TSHZ1: variants seen among roughly 807,000 people sequenced by gnomAD.
The protein encoded by TSHZ1 is teashirt homolog 1.
In TSHZ1, 12 loss-of-function variants were observed where a neutral mutation model predicts 67.1. The observed-to-expected ratio is 0.18, with a 90% CI of 0.11 to 0.29. The LOEUF is 0.29. Among genes scored for constraint, TSHZ1 ranks in the 10% least tolerant of loss-of-function variants. TSHZ1 has a pLI of 1.00. For missense variants in TSHZ1, 1,305 were observed against 1,413.9 expected, an observed-to-expected ratio of 0.92 and a Z score of 1.23; for synonymous variants, 632 against 622.4, an observed-to-expected ratio of 1.02 and a Z score of -0.23.
At chr18:75,274,035 G>T (rs952726124) in intron 1 of TSHZ1, among the ~76,000 whole-genome samples, 1 of 152,142 alleles carries the variant, frequency 6.6e-6, no homozygotes, top group Non-Finnish European at 1.5e-5. Context: ...TGGGCTGCTG[G>T]TGCTTGCTGG....
At position 75,223,626 on chromosome 18, in the gene TSHZ1, TAA is replaced by T. The variant is rs113456002; in HGVS notation, c.40+11722_40+11723del. On this transcript the variant is annotated intron_variant, in intron 1 of 1. Transcript: ENST00000580243. The stretch of plus-strand genomic sequence containing the variant: ...GGGCTTTTTTGAAAGACAGATTCCT[TAA>T]AAAAAAAAAAATTGTCCCCCACTCC... Among the ~76,000 whole-genome samples, 86 of 146,602 alleles carry T rather than the reference TAA, an allele frequency of 5.9e-4. 1 individual carries two copies. The highest frequency in any genetic ancestry group is 1.8e-3 in the African/African-American group (70 of 39,874).
chr18:75,285,214 A>C (rs2023735568), intron 1 of TSHZ1: 2 of 367,546 alleles, frequency 5.4e-6, no homozygotes, highest in Non-Finnish European at 9.5e-6. Flanking sequence ...CTTTGGGACG[A>C]GCACAGGACA....
intron 1 of TSHZ1, among the ~76,000 whole-genome samples, chr18:75,270,368 T>G (rs1192795879): frequency 2.0e-5 from 3 of 152,254 alleles, no homozygotes; most frequent in Admixed American, 2.0e-4. Flanking sequence ...GAGGAAGGGT[T>G]CAACAGATAT....
intron 1 of TSHZ1, among the ~76,000 whole-genome samples, chr18:75,276,127 A>G (rs117750380): frequency 6.6e-6 from 1 of 152,342 alleles, no homozygotes; most frequent in Non-Finnish European, 1.5e-5. Flanking sequence ...TAGTTTTCTT[A>G]TTCCCCACTT....
intron 1 of TSHZ1, among the ~76,000 whole-genome samples, chr18:75,212,122 G>C (rs1349584637): frequency 6.6e-6 from 1 of 152,186 alleles, no homozygotes; most frequent in African/African-American, 2.4e-5. Flanking sequence ...GTGGAGCAGA[G>C]AAAGTTCGCG....
At position 75,211,487 on chromosome 18, in the gene TSHZ1, G is replaced by A. The variant is rs1291294935; in HGVS notation, c.-390G>A. ...GAGCGCCCGGAGCGGCGCGCCGGGA[G>A]GAGCGCCCGCCCAGCAGCAGCGCGG... On this transcript the variant is annotated 5_prime_UTR_variant, in exon 1 of 2. Transcript: ENST00000580243. 6.7e-6 allele frequency: 1 copy of A among 148,784 alleles called. No individual in the cohort carries two copies. Among genetic ancestry groups the A allele is most frequent in the South Asian group, 2.1e-4 (1 of 4,730 alleles). The allele number at this position is 148,784 out of a possible 1,614,324, so 9.2% of individuals were successfully genotyped here.
At chr18:75,246,354 G>T (rs2023221542) in intron 1 of TSHZ1, among the ~76,000 whole-genome samples, 1 of 149,908 alleles carries the variant, frequency 6.7e-6, no homozygotes, top group Non-Finnish European at 1.5e-5. Flanking sequence ...GGATGACGAT[G>T]GGGGCCTTGG....
intron 1 of TSHZ1, among the ~76,000 whole-genome samples, chr18:75,227,646 A>T (rs141055236): frequency 6.6e-6 from 1 of 152,230 alleles, no homozygotes; most frequent in Non-Finnish European, 1.5e-5. Context: ...TGTTTCTCTC[A>T]TCCCCACCCC....
intron 1 of TSHZ1, among the ~76,000 whole-genome samples, chr18:75,222,899 A>G (rs1343881163): frequency 6.6e-6 from 1 of 152,224 alleles, no homozygotes; most frequent in Non-Finnish European, 1.5e-5. Flanking sequence ...AGTCTGGCCT[A>G]TTCCCAAAGG....
chr18:75,228,752 CTCTCAACGGTTGGTCCTCACA>C (rs897912116), intron 1 of TSHZ1, among the ~76,000 whole-genome samples: 3 of 152,180 alleles, frequency 2.0e-5, no homozygotes, highest in Non-Finnish European at 2.9e-5. Context: ...AAAGTTGAAC[CTCTCAACGGTTGGTCCTCACA>C]TCTCTAGTCC....
Position 75,266,113 on chromosome 18 carries a change from C to T in TSHZ1, c.41-19335C>T, listed in dbSNP as rs545074208. ...CCCGGGTGAGTGATCGATGCTGTCC[C>T]GTTGGACAAGGTTTACTAGAAGGGT... On this transcript the variant is annotated intron_variant, in intron 1 of 1. Transcript: ENST00000580243. 7.2e-5 allele frequency among the ~76,000 whole-genome samples: 11 copies of T among 152,260 alleles called. No homozygotes were observed. In the East Asian group the frequency reaches 1.4e-3, roughly 19 times the overall value.
At position 75,286,873 on chromosome 18, in the gene TSHZ1, C is replaced by T. The variant is rs370337586; in HGVS notation, c.1466C>T (p.Ser489Phe). 14 of 1,614,194 alleles carry T rather than the reference C, an allele frequency of 8.7e-6. No individual in the cohort carries two copies. The East Asian group carries it at 3.1e-4, about 36-fold the overall frequency. Residue 489 changes from serine to phenylalanine, a missense_variant, in exon 2 of 2, where the codon TCT becomes TTT. Around this residue, in one of 3 missense-constraint regions of TSHZ1, gnomAD observed 909 missense variants for 961.8 expected, o/e 0.95. Transcript: ENST00000580243. This position sits in a 1 kb window ranked among gnomAD's most constrained non-coding sequence, Gnocchi z 5.1. The part of the protein sequence containing the change: ...PASSIKKQPD[S>F]PAGSTTSEEK... ...TCCAGCATCAAAAAGCAGCCCGACT[C>T]TCCCGCGGGGTCCACGACTTCTGAA...
At chr18:75,235,024 G>A (rs553716041) in intron 1 of TSHZ1, among the ~76,000 whole-genome samples, 4 of 152,204 alleles carry the variant, frequency 2.6e-5, no homozygotes, top group Non-Finnish European at 5.9e-5. Context: ...TAAAGGTGTA[G>A]ACCCCAGCCC....
chr18:75,270,719 T>C (rs2023546594), intron 1 of TSHZ1, among the ~76,000 whole-genome samples: 1 of 152,258 alleles, frequency 6.6e-6, no homozygotes, highest in Admixed American at 6.5e-5. Flanking sequence ...ATTTAGGAAC[T>C]GTTAGCATCA....
intron 1 of TSHZ1, among the ~76,000 whole-genome samples, chr18:75,270,302 A>G (rs8086555): frequency 0.029 from 4,437 of 152,280 alleles, 86 homozygotes; most frequent in African/African-American, 0.053. Flanking sequence ...TTGTAGTGTC[A>G]GTGAGGAGCT....
At chr18:75,212,003 G>C in intron 1 of TSHZ1, 87 bp downstream of exon 1, 4 of 1,042,790 alleles carry the variant, frequency 3.8e-6, no homozygotes, top group Non-Finnish European at 4.8e-6. Flanking sequence ...GCGGGACGTG[G>C]GCCGCGGGCC....
chr18:75,258,228 G>A (rs1026859444), intron 1 of TSHZ1, among the ~76,000 whole-genome samples: 1 of 152,184 alleles, frequency 6.6e-6, no homozygotes, highest in Non-Finnish European at 1.5e-5. Context: ...TGGAGTGCAC[G>A]TGGTACCCAC....
In TSHZ1 at chr18:75,281,928, T is replaced by C. The variant is rs928199158; in HGVS notation, c.41-3520T>C. Among the ~76,000 whole-genome samples, 2 of 152,248 alleles carry C rather than the reference T, an allele frequency of 1.3e-5. No individual in the cohort carries two copies. Among genetic ancestry groups the C allele is most frequent in the Non-Finnish European group, 2.9e-5 (2 of 68,000 alleles). Reference sequence around the variant, plus strand: ...GTCCCTCACCTACCCGGTCAGAGGCTGCCTGATCACCCTGCTTTGCTTCTT... The same window carrying C: ...GTCCCTCACCTACCCGGTCAGAGGCCGCCTGATCACCCTGCTTTGCTTCTT... On this transcript the variant is annotated intron_variant, in intron 1 of 1. Coordinates refer to ENST00000580243, the MANE Select transcript of TSHZ1 (RefSeq NM_001308210.2). The surrounding 1 kb of genome is among the most constrained non-coding windows in gnomAD (Gnocchi z 5.3).
At chr18:75,212,413 T>G (rs1387868635) in intron 1 of TSHZ1, among the ~76,000 whole-genome samples, 1 of 151,948 alleles carries the variant, frequency 6.6e-6, no homozygotes, top group African/African-American at 2.4e-5. Context: ...GCCCCCACTT[T>G]TTTTTTATTA....
Sources: allele counts gnomAD v4.1 joint callset (sites outside exome capture counted in the v4.1 genomes callset), GRCh38; gene constraint gnomAD v4.1.1; regional missense constraint gnomAD v4.1.1; non-coding constraint Gnocchi (gnomAD v3.1); transcripts MANE v1.5; gene names NCBI Gene and HGNC (gene_info 2026-07-23, HGNC 2026-07-21).